Variants in GFAP observed in about 807,000 individuals in gnomAD.
GFAP encodes glial fibrillary acidic protein.
In GFAP, 38 loss-of-function variants were observed where a neutral mutation model predicts 49.3. That is an observed-to-expected ratio of 0.77 (90% confidence interval 0.60 to 1.01). GFAP has a LOEUF of 1.01. Ranked by LOEUF, GFAP falls within the 50% of genes least tolerant of loss-of-function variation. The pLI, the probability that GFAP is intolerant of heterozygous loss-of-function variation, is 0.00. For missense variants in GFAP, 463 were observed against 579.1 expected, an observed-to-expected ratio of 0.80 and a Z score of 2.06; for synonymous variants, 222 against 236.4, an observed-to-expected ratio of 0.94 and a Z score of 0.56.
chr17:44,911,116 A>G, intron 6 of GFAP, 120 bp downstream of exon 6: 2 of 863,014 alleles, frequency 2.3e-6, no homozygotes, highest in Non-Finnish European at 3.9e-6. Flanking sequence ...TGTGCTGGGC[A>G]TTGAGGTGGG....
In GFAP at chr17:44,904,457, G is replaced by A. The variant is rs775325487; in HGVS notation, c.*2890C>T. 2.8e-5 allele frequency: 43 copies of A among 1,543,966 alleles called. 1 individual carries two copies. The highest frequency in any genetic ancestry group is 2.3e-4 in the African/African-American group (17 of 73,042). Reference sequence around the variant, plus strand: ...CCCACGCTACCTCAAGGCCGTGCCCGATGTGGTGTCTTGTGGCTCAAGGGC... The same window carrying A: ...CCCACGCTACCTCAAGGCCGTGCCCAATGTGGTGTCTTGTGGCTCAAGGGC... On this transcript the variant is annotated 3_prime_UTR_variant, in exon 9 of 9. Coordinates refer to ENST00000588735, the MANE Select transcript of GFAP (RefSeq NM_002055.5).
chr17:44,915,483 C>T lies in GFAP; in HGVS notation c.4G>A (p.Glu2Lys). MERRRITSAARR... is the reference protein window; with the variant it reads MKRRRITSAARR... ...GCAGCGGAGGTGATGCGTCTCCTCT[C>T]CATCCTGCTCTGGCTCTGCTCGCTC... Residue 2 changes from glutamate (E) to lysine (K), a missense_variant, in exon 1 of 9, where the codon GAG becomes AAG. Coordinates refer to ENST00000588735, the MANE Select transcript of GFAP (RefSeq NM_002055.5). The surrounding 1 kb of genome is among the most constrained non-coding windows in gnomAD (Gnocchi z 4.1). The T allele has an allele frequency of 5.1e-6, 8 of 1,572,266 alleles. No homozygotes were observed. Among genetic ancestry groups the T allele is most frequent in the Non-Finnish European group, 6.9e-6 (8 of 1,159,736 alleles).
At position 44,903,645 on chromosome 17, in the gene GFAP, G is replaced by T. The variant is rs1354262031; in HGVS notation, c.*3702C>A. On this transcript the variant is annotated 3_prime_UTR_variant, in exon 9 of 9. Coordinates refer to ENST00000588735, the MANE Select transcript of GFAP (RefSeq NM_002055.5). ...GTCTGGAATGTTAGAAGGGCATCTT[G>T]TACATCCACTGGGAATAAATTGCCT... The T allele has an allele frequency of 2.1e-6, 3 of 1,432,826 alleles. No homozygotes were observed. Among genetic ancestry groups the T allele is most frequent in the Non-Finnish European group, 2.7e-6 (3 of 1,099,766 alleles). 88.8% of individuals were successfully genotyped at this position (1,432,826 alleles called of 1,614,324 possible).
At position 44,904,007 on chromosome 17, in the gene GFAP, G is replaced by T. The variant is rs765331988; in HGVS notation, c.*3340C>A. ...TCCCTGTCACTGCAAACCCGAAGAG[G>T]TGCCAGCTGTAGTCTGGTTCTACCA... On this transcript the variant is annotated 3_prime_UTR_variant, in exon 9 of 9. Transcript: ENST00000588735. The T allele has an allele frequency of 4.5e-6, 7 of 1,550,638 alleles. No individual in the cohort carries two copies. Among genetic ancestry groups the T allele is most frequent in the Non-Finnish European group, 5.2e-6 (6 of 1,147,016 alleles).
At position 44,903,476 on chromosome 17, in the gene GFAP, G is replaced by A; in HGVS notation, c.*3871C>T. On this transcript the variant is annotated 3_prime_UTR_variant, in exon 9 of 9. Coordinates refer to ENST00000588735, the MANE Select transcript of GFAP (RefSeq NM_002055.5). Reference sequence around the variant, plus strand: ...GCAGGGCAGGGCCTGGAGCACTGAGGCAGAGATCTCCCTGCCCGAGCACCT... The same window carrying A: ...GCAGGGCAGGGCCTGGAGCACTGAGACAGAGATCTCCCTGCCCGAGCACCT... 7.9e-7 allele frequency: 1 copy of A among 1,270,896 alleles called. No individual in the cohort carries two copies. Among genetic ancestry groups the A allele is most frequent in the Non-Finnish European group, 9.9e-7 (1 of 1,011,290 alleles). 78.7% of individuals were successfully genotyped at this position (1,270,896 alleles called of 1,614,324 possible).
In GFAP at chr17:44,907,020, T is replaced by G; in HGVS notation, c.*327A>C. On this transcript the variant is annotated 3_prime_UTR_variant, in exon 9 of 9. Transcript: ENST00000588735. Reference sequence around the variant, plus strand: ...CAGGAATCAGGGATGTGGAGGGCGATGTAGTAGGTGCCCCCCGCCCTCCTC... The same window carrying G: ...CAGGAATCAGGGATGTGGAGGGCGAGGTAGTAGGTGCCCCCCGCCCTCCTC... The G allele has an allele frequency of 5.9e-5, 26 of 438,914 alleles. No homozygotes were observed. The highest frequency in any genetic ancestry group is 8.8e-5 in the East Asian group (2 of 22,748). The allele number at this position is 438,914 out of a possible 1,614,324, so 27.2% of individuals were successfully genotyped here.
At position 44,903,550 on chromosome 17, in the gene GFAP, C is replaced by T. The variant is rs542384155; in HGVS notation, c.*3797G>A. ...TTCCTTTGACCCATTCTTGGGTGAG[C>T]GCCAGTGTTCTAGAAAGGGGAGTAA... On this transcript the variant is annotated 3_prime_UTR_variant, in exon 9 of 9. Coordinates refer to ENST00000588735, the MANE Select transcript of GFAP (RefSeq NM_002055.5). The T allele has an allele frequency of 2.4e-4, 332 of 1,359,636 alleles. 4 individuals are homozygous for T. In the South Asian group the frequency reaches 5.6e-3, roughly 23 times the overall value. The allele number at this position is 1,359,636 out of a possible 1,614,324, so 84.2% of individuals were successfully genotyped here. A position where few individuals can be genotyped will look rare whatever the true frequency, so the allele number is the denominator to read the frequency against.
At position 44,906,851 on chromosome 17, in the gene GFAP, C is replaced by T. The variant is rs1388340892; in HGVS notation, c.*496G>A. The T allele has an allele frequency of 4.8e-6, 1 of 210,100 alleles. No individual in the cohort carries two copies. The highest frequency in any genetic ancestry group is 1.2e-4 in the East Asian group (1 of 8,622). 13.0% of individuals were successfully genotyped at this position (210,100 alleles called of 1,614,324 possible). ...ATAAAAACCAAAAGACAAAACAAGC[C>T]TCTGGCCAGGGCTACCTTGTCTGTG... is the stretch of plus-strand genomic sequence containing the variant. On this transcript the variant is annotated 3_prime_UTR_variant, in exon 9 of 9. Transcript: ENST00000588735.
Position 44,915,346 on chromosome 17 carries a change from C to G in GFAP, c.141G>C (p.Pro47=), listed in dbSNP as rs2229011. 2.9e-5 allele frequency: 47 copies of G among 1,612,530 alleles called. No individual in the cohort carries two copies. Among genetic ancestry groups the G allele is most frequent in the Non-Finnish European group, 3.8e-5 (45 of 1,178,976 alleles). Residue 47 remains proline, a synonymous_variant, in exon 1 of 9, where the codon CCG becomes CCC. Coordinates refer to ENST00000588735, the MANE Select transcript of GFAP (RefSeq NM_002055.5). The surrounding 1 kb of genome is among the most constrained non-coding windows in gnomAD (Gnocchi z 4.1). ...LSLARMPPPL[P]TRVDFSLAGA... ...CAGCCAGGGAGAAATCCACCCGGGT[C>G]GGGAGTGGAGGGGGCATTCGAGCCA...
At chr17:44,911,165 T>C (rs986807161) in intron 6 of GFAP, 71 bp downstream of exon 6, 3 of 1,390,122 alleles carry the variant, frequency 2.2e-6, no homozygotes, top group Non-Finnish European at 3.1e-6. Context: ...ACTCAGTCCC[T>C]GAAGGGAGCA....
At chr17:44,910,174 G>A (rs1567772509) in intron 7 of GFAP, 1 of 1,613,788 alleles carries the variant, frequency 6.2e-7, no homozygotes, top group East Asian at 2.2e-5. Flanking sequence ...ACAATCTGGT[G>A]AGCCTGTATT....
chr17:44,903,452 C>T lies in GFAP; in HGVS notation c.*3895G>A. ...ATGAAAGACTTTTCCACCAGGCTGGCAGGGCAGGGCCTGGAGCACTGAGGC... is the reference window on the plus strand; with the variant it reads ...ATGAAAGACTTTTCCACCAGGCTGGTAGGGCAGGGCCTGGAGCACTGAGGC... On this transcript the variant is annotated 3_prime_UTR_variant, in exon 9 of 9. Coordinates refer to ENST00000588735, the MANE Select transcript of GFAP (RefSeq NM_002055.5). The T allele has an allele frequency of 3.2e-6, 4 of 1,252,734 alleles. No individual in the cohort carries two copies. Among genetic ancestry groups the T allele is most frequent in the Non-Finnish European group, 4.0e-6 (4 of 1,000,316 alleles). The allele number at this position is 1,252,734 out of a possible 1,614,324, so 77.6% of individuals were successfully genotyped here. A position where few individuals can be genotyped will look rare whatever the true frequency, so the allele number is the denominator to read the frequency against.
In GFAP at chr17:44,903,611, T is replaced by C. The variant is rs2051599829; in HGVS notation, c.*3736A>G. 1 of 1,398,702 alleles carries C rather than the reference T, an allele frequency of 7.1e-7. No homozygotes were observed. The highest frequency in any genetic ancestry group is 9.3e-7 in the Non-Finnish European group (1 of 1,080,982). 86.6% of individuals were successfully genotyped at this position (1,398,702 alleles called of 1,614,324 possible). A position where few individuals can be genotyped will look rare whatever the true frequency, so the allele number is the denominator to read the frequency against. ...CTAGAATGGCTTTCCCCCCCCACCCTGAGATCAGGTCTGGAATGTTAGAAG... is the reference window on the plus strand; with the variant it reads ...CTAGAATGGCTTTCCCCCCCCACCCCGAGATCAGGTCTGGAATGTTAGAAG... On this transcript the variant is annotated 3_prime_UTR_variant, in exon 9 of 9. Transcript: ENST00000588735.
At chr17:44,909,302 G>A (rs906906400) in intron 7 of GFAP, 2 of 152,158 alleles carry the variant, frequency 1.3e-5, no homozygotes, top group Admixed American at 1.3e-4. Context: ...GGAGAGAGGA[G>A]ACAATTAACT....
chr17:44,912,724 G>A (rs1314297238), intron 4 of GFAP: 1 of 191,566 alleles, frequency 5.2e-6, no homozygotes, highest in African/African-American at 2.3e-5. Context: ...TAAGCTCTGA[G>A]CTGTGGTGTT....
Position 44,913,355 on chromosome 17 carries a change from T to G in GFAP, c.694A>C (p.Thr232Pro), listed in dbSNP as rs1182170998. ...VELDVAKPDL[T>P]AALKEIRTQY... ...GTGCGGATCTCTTTCAGGGCTGCGG[T>G]GAGGTCTGGCTTGGCCACGTCAAGC... Residue 232 changes from threonine to proline, a missense_variant, in exon 4 of 9, where the codon ACC becomes CCC. Physicochemically the swap from Thr to Pro is conservative, Grantham distance 38. Around this residue, in one of 3 missense-constraint regions of GFAP, gnomAD observed 362 missense variants for 445.5 expected, o/e 0.81. Coordinates refer to ENST00000588735, the MANE Select transcript of GFAP (RefSeq NM_002055.5). 1.6e-5 allele frequency: 26 copies of G among 1,613,850 alleles called. No individual in the cohort carries two copies. Among genetic ancestry groups the G allele is most frequent in the Non-Finnish European group, 2.1e-5 (25 of 1,179,850 alleles).
rs2051599162 is a variant in GFAP, at chr17:44,903,599, C to T, written c.*3748G>A. On this transcript the variant is annotated 3_prime_UTR_variant, in exon 9 of 9. Coordinates refer to ENST00000588735, the MANE Select transcript of GFAP (RefSeq NM_002055.5). ...AAAGGCCAGGTTCTAGAATGGCTTT[C>T]CCCCCCCACCCTGAGATCAGGTCTG... 21 of 1,394,370 alleles carry T rather than the reference C, an allele frequency of 1.5e-5. No homozygotes were observed. The South Asian group carries it at 3.5e-4, about 23-fold the overall frequency. 86.4% of individuals were successfully genotyped at this position (1,394,370 alleles called of 1,614,324 possible). A position where few individuals can be genotyped will look rare whatever the true frequency, so the allele number is the denominator to read the frequency against.
chr17:44,905,416 A>G lies in GFAP; in HGVS notation c.*1931T>C, dbSNP rs913728417. Reference sequence around the variant, plus strand: ...TTTGAGCTGCTTTGCTTTCTTGCCTATGAAGATTGTGCTGGTTGAGTTGCA... The same window carrying G: ...TTTGAGCTGCTTTGCTTTCTTGCCTGTGAAGATTGTGCTGGTTGAGTTGCA... On this transcript the variant is annotated 3_prime_UTR_variant, in exon 9 of 9. Coordinates refer to ENST00000588735, the MANE Select transcript of GFAP (RefSeq NM_002055.5). The G allele has an allele frequency of 8.5e-6, 2 of 234,880 alleles. No homozygotes were observed. The highest frequency in any genetic ancestry group is 1.8e-5 in the Non-Finnish European group (2 of 111,340). 14.5% of individuals were successfully genotyped at this position (234,880 alleles called of 1,614,324 possible).
chr17:44,908,012 T>G, intron 8 of GFAP, 52 bp downstream of exon 8: 11 of 1,300,860 alleles, frequency 8.5e-6, no homozygotes, highest in Non-Finnish European at 1.1e-5. Context: ...GGCCTGGCCT[T>G]GAGAATCCCT....
Sources: allele counts gnomAD v4.1 joint callset, GRCh38; gene constraint gnomAD v4.1.1; regional missense constraint gnomAD v4.1.1; non-coding constraint Gnocchi (gnomAD v3.1); transcripts MANE v1.5; gene names NCBI Gene and HGNC (gene_info 2026-07-23, HGNC 2026-07-21).